The following TBC1D4 variants were observed in gnomAD, a reference collection of about 807,000 sequenced individuals.
TBC1D4 encodes the protein TBC (Tre-2, BUB2, CDC16) domain-containing protein.
TBC1D4 carries 121 observed loss-of-function variants against 142.5 expected under a neutral mutation model. The ratio of observed to expected loss-of-function variants is 0.85; its 90% confidence interval spans 0.73 to 0.99. The LOEUF (loss-of-function observed/expected upper bound fraction) is 0.99. Among genes scored for constraint, TBC1D4 ranks in the 50% least tolerant of loss-of-function variants. The pLI, the probability that TBC1D4 is intolerant of heterozygous loss-of-function variation, is 0.00. For synonymous variants in TBC1D4, 630 were observed against 628.2 expected (o/e 1.00, Z -0.04); for missense variants, 1,475 against 1,606.6 (o/e 0.92, Z 1.40).
chr13:75,371,944 T>C (rs891300666), intron 1 of TBC1D4, among the ~76,000 whole-genome samples: 1 of 152,234 alleles, frequency 6.6e-6, no homozygotes, highest in Admixed American at 6.5e-5. Flanking sequence ...GTGTCACTTA[T>C]GAAAAATAAC....
chr13:75,394,459 G>GGTCATTTT (rs1419171813), intron 1 of TBC1D4, among the ~76,000 whole-genome samples: 1 of 152,076 alleles, frequency 6.6e-6, no homozygotes, highest in African/African-American at 2.4e-5. Context: ...AAAGAACAAT[G>GGTCATTTT]GTCATTTTGG....
At chr13:75,437,315 C>A (rs1055514193) in intron 1 of TBC1D4, among the ~76,000 whole-genome samples, 3 of 152,098 alleles carry the variant, frequency 2.0e-5, no homozygotes, top group Non-Finnish European at 4.4e-5. Flanking sequence ...GGCAGGACAG[C>A]ATCATGTCTG....
chr13:75,344,307 TAAAG>T (rs536306273), intron 5 of TBC1D4, among the ~76,000 whole-genome samples: 15 of 152,310 alleles, frequency 9.8e-5, no homozygotes, highest in African/African-American at 1.4e-4. Context: ...AAAAGAAAAA[TAAAG>T]AAGGTAGTTA....
chr13:75,481,206 C>CCCCCCCCCCCCCCCCCAA, intron 1 of TBC1D4, 64 bp downstream of exon 1: 2 of 1,203,770 alleles, frequency 1.7e-6, no homozygotes, highest in Non-Finnish European at 1.2e-6. Context: ...CCCCGCCCCT[C>CCCCCCCCCCCCCCCCCAA]CCGCCCTGCT....
At position 75,310,138 on chromosome 13, in the gene TBC1D4, C is replaced by T. The variant is rs1215534897; in HGVS notation, c.2397G>A (p.Arg799=). ...GGGGGGACAGTGGCAGCAGCTCGTT[C>T]CTGTCCAATCCATCTGCAGAGAAGA... ...SAMQQQDGLD[R]NELLPLSPLS... Residue 799 remains arginine (R), a synonymous_variant, in exon 14 of 21, where the codon AGG becomes AGA. Coordinates refer to ENST00000377636, the MANE Select transcript of TBC1D4 (RefSeq NM_014832.5). 8.1e-6 allele frequency: 13 copies of T among 1,613,572 alleles called. No individual in the cohort carries two copies. Among genetic ancestry groups the T allele is most frequent in the Non-Finnish European group, 1.1e-5 (13 of 1,179,814 alleles).
chr13:75,325,664 T>A (rs766080866), intron 10 of TBC1D4, among the ~76,000 whole-genome samples: 1 of 152,254 alleles, frequency 6.6e-6, no homozygotes, highest in Non-Finnish European at 1.5e-5. Context: ...AATTATGGTA[T>A]ATATACTCTT....
chr13:75,479,622 C>G (rs185721846), intron 1 of TBC1D4, among the ~76,000 whole-genome samples: 5 of 151,838 alleles, frequency 3.3e-5, no homozygotes, highest in Non-Finnish European at 4.4e-5. Context: ...ACAGAAACCC[C>G]CGAGAGTCAT....
intron 8 of TBC1D4, among the ~76,000 whole-genome samples, chr13:75,335,891 T>C (rs1029158733): frequency 6.6e-6 from 1 of 152,160 alleles, no homozygotes; most frequent in Non-Finnish European, 1.5e-5. Context: ...TATTTCTTTA[T>C]AGCAATGCGA....
At chr13:75,468,800 T>G (rs1312269258) in intron 1 of TBC1D4, among the ~76,000 whole-genome samples, 2 of 152,180 alleles carry the variant, frequency 1.3e-5, no homozygotes, top group Non-Finnish European at 2.9e-5. Flanking sequence ...CAGGGATCAA[T>G]TCTTACTCAA....
chr13:75,359,952 T>C, intron 2 of TBC1D4, 94 bp from the exon 3 acceptor site: 1 of 992,796 alleles, frequency 1.0e-6, no homozygotes, highest in Non-Finnish European at 1.6e-6. Flanking sequence ...TAGATTCAAA[T>C]GCAATATCCC....
At chr13:75,401,557 A>G (rs1287448219) in intron 1 of TBC1D4, among the ~76,000 whole-genome samples, 2 of 152,260 alleles carry the variant, frequency 1.3e-5, no homozygotes, top group South Asian at 2.1e-4. Flanking sequence ...ATCAAGAATT[A>G]TGTACAAAAT....
chr13:75,393,425 C>T (rs1884600247), intron 1 of TBC1D4, among the ~76,000 whole-genome samples: 2 of 152,306 alleles, frequency 1.3e-5, no homozygotes, highest in Admixed American at 1.3e-4. Flanking sequence ...CCGCTCCAAA[C>T]ATTTTACAAG....
chr13:75,294,378 C>T (rs1048026665), intron 18 of TBC1D4, among the ~76,000 whole-genome samples: 9 of 152,266 alleles, frequency 5.9e-5, no homozygotes, highest in Middle Eastern at 6.8e-3. Flanking sequence ...AGCAATGAAA[C>T]AGGATGTAAA....
chr13:75,446,822 T>C lies in TBC1D4; in HGVS notation c.498+34448A>G, dbSNP rs572950719. Reference sequence around the variant, plus strand: ...TTTGACCTCTACTACTAGGTTGATCTCAAATTAGTCCATATAATTTTTTTT... The same window carrying C: ...TTTGACCTCTACTACTAGGTTGATCCCAAATTAGTCCATATAATTTTTTTT... On this transcript the variant is annotated intron_variant, in intron 1 of 20. Transcript: ENST00000377636. 1.2e-4 allele frequency among the ~76,000 whole-genome samples: 19 copies of C among 152,138 alleles called. No individual in the cohort carries two copies. In the East Asian group the frequency reaches 3.7e-3, roughly 29 times the overall value.
intron 1 of TBC1D4, among the ~76,000 whole-genome samples, chr13:75,441,972 C>G (rs1033086875): frequency 2.0e-5 from 3 of 152,298 alleles, no homozygotes; most frequent in Admixed American, 2.0e-4. Flanking sequence ...GCTCAATTAA[C>G]GTGCTGAAGA....
chr13:75,355,733 AAAG>A (rs1413541731), intron 4 of TBC1D4, among the ~76,000 whole-genome samples: 1 of 152,254 alleles, frequency 6.6e-6, no homozygotes, highest in African/African-American at 2.4e-5. Flanking sequence ...TAATAAAATA[AAAG>A]AAGAAAACCA....
chr13:75,455,171 A>G (rs1471072038), intron 1 of TBC1D4, among the ~76,000 whole-genome samples: 1 of 152,156 alleles, frequency 6.6e-6, no homozygotes, highest in Non-Finnish European at 1.5e-5. Flanking sequence ...CATCCTCTAA[A>G]TAAGTCGATG....
chr13:75,467,059 C>CA (rs1018060643), intron 1 of TBC1D4, among the ~76,000 whole-genome samples: 3 of 151,524 alleles, frequency 2.0e-5, no homozygotes, highest in Admixed American at 6.6e-5. Flanking sequence ...ATCACAGGCA[C>CA]AAAAAAAATC....
At chr13:75,340,166 AGTTTAACTCATAGAAG>A (rs1462300723) in intron 7 of TBC1D4, among the ~76,000 whole-genome samples, 1 of 152,176 alleles carries the variant, frequency 6.6e-6, no homozygotes, top group Non-Finnish European at 1.5e-5. Flanking sequence ...TCCATCACAT[AGTTTAACTCATAGAAG>A]GTTCTCAAGA....
Sources: gnomAD v4.1 joint callset for allele counts (sites outside exome capture counted in the v4.1 genomes callset) on GRCh38, gnomAD v4.1.1 for gene constraint, MANE v1.5 for transcripts, NCBI Gene and HGNC (gene_info 2026-07-23, HGNC 2026-07-21) for gene names.